HECW1: variants seen among roughly 807,000 people sequenced by gnomAD.
HECW1 encodes the protein E3 ubiquitin-protein ligase HECW1.
A neutral mutation model predicts 182.3 loss-of-function variants in HECW1; 61 were observed. The observed-to-expected ratio is 0.33, with a 90% CI of 0.27 to 0.41. The LOEUF is 0.41. Among genes scored for constraint, HECW1 ranks in the 10% least tolerant of loss-of-function variants. The pLI, the probability that HECW1 is intolerant of heterozygous loss-of-function variation, is 1.00. For synonymous variants in HECW1, 859 were observed against 832.6 expected, an observed-to-expected ratio of 1.03 and a Z score of -0.55; for missense variants, 1,739 against 2,108.9, an observed-to-expected ratio of 0.82 and a Z score of 3.44.
chr7:43,403,427 T>G (rs1026674605), intron 7 of HECW1, among the ~76,000 whole-genome samples: 6 of 152,176 alleles, frequency 3.9e-5, no homozygotes, highest in African/African-American at 1.4e-4. Flanking sequence ...ATTCGTCTGG[T>G]GCTGTCTCCT....
chr7:43,302,136 TAGC>T (rs2152763742), intron 3 of HECW1, among the ~76,000 whole-genome samples: 1 of 152,146 alleles, frequency 6.6e-6, no homozygotes, highest in East Asian at 1.9e-4. Context: ...CATCACCTAA[TAGC>T]AGGCAAATGA....
At chr7:43,537,966 G>C (rs150160224) in intron 24 of HECW1, among the ~76,000 whole-genome samples, 16 of 152,278 alleles carry the variant, frequency 1.1e-4, no homozygotes, top group African/African-American at 3.9e-4. Flanking sequence ...CACACCCCCT[G>C]GTTGAGAGGC....
chr7:43,351,570 A>G (rs1227516471), intron 5 of HECW1, among the ~76,000 whole-genome samples: 1 of 151,890 alleles, frequency 6.6e-6, no homozygotes, highest in Admixed American at 6.5e-5. Context: ...TGAGATTCCC[A>G]GGAGTGACAT....
intron 2 of HECW1, among the ~76,000 whole-genome samples, chr7:43,129,688 A>G (rs934950136): frequency 3.3e-5 from 5 of 152,162 alleles, no homozygotes; most frequent in Non-Finnish European, 5.9e-5. Context: ...AGCTGGACAA[A>G]CCACTGGTGT....
At chr7:43,320,250 G>A (rs1223755569) in intron 4 of HECW1, among the ~76,000 whole-genome samples, 3 of 152,200 alleles carry the variant, frequency 2.0e-5, no homozygotes, top group East Asian at 1.9e-4. Flanking sequence ...TTTATGTCTC[G>A]CCCTTAGGCT....
At chr7:43,545,510 T>C (rs374685327) in intron 26 of HECW1, among the ~76,000 whole-genome samples, 1 of 152,240 alleles carries the variant, frequency 6.6e-6, no homozygotes, top group Admixed American at 6.5e-5. Flanking sequence ...CGCTGAGTCC[T>C]GTACAGTTGA....
intron 2 of HECW1, among the ~76,000 whole-genome samples, chr7:43,213,537 C>G (rs1796183467): frequency 6.7e-6 from 1 of 150,068 alleles, no homozygotes; most frequent in Non-Finnish European, 1.5e-5. Context: ...GCTCCACCTT[C>G]CGGGTTCACA....
Position 43,114,371 on chromosome 7 carries a change from A to G in HECW1, c.-52A>G, listed in dbSNP as rs73690252. 3,236 of 1,352,976 alleles carry G rather than the reference A, an allele frequency of 2.4e-3. 46 individuals carry two copies. In the African/African-American group the frequency reaches 0.038, roughly 16 times the overall value. The allele number at this position is 1,352,976 out of a possible 1,614,324, so 83.8% of individuals were successfully genotyped here. ...ATCTGCGTTTCTCATCAGCAGACTC[A>G]CTCCGGCTGTGGCTATTACGGTAAT... On this transcript the variant is annotated 5_prime_UTR_variant, in exon 2 of 30. Coordinates refer to ENST00000395891, the MANE Select transcript of HECW1 (RefSeq NM_015052.5).
intron 3 of HECW1, among the ~76,000 whole-genome samples, chr7:43,302,950 T>TGCGCGCGCACACACGC (rs60618828): frequency 6.6e-6 from 1 of 151,594 alleles, no homozygotes; most frequent in African/African-American, 2.4e-5. Flanking sequence ...CACACACACA[T>TGCGCGCGCACACACGC]GCGCGCACAC....
At chr7:43,348,026 G>A (rs937157656) in intron 5 of HECW1, among the ~76,000 whole-genome samples, 29 of 152,102 alleles carry the variant, frequency 1.9e-4, no homozygotes, top group African/African-American at 6.5e-4. Context: ...GGGTAATGCT[G>A]GCTTCACAGA....
intron 3 of HECW1, among the ~76,000 whole-genome samples, chr7:43,298,290 C>T (rs533416772): frequency 3.3e-5 from 5 of 152,146 alleles, no homozygotes; most frequent in Admixed American, 2.0e-4. Flanking sequence ...AATTTTCACG[C>T]GAATAAGTCC....
Position 43,445,245 on chromosome 7 carries a change from CTGCTACAGCAGCTCG to C in HECW1, c.2083_2097del (p.Ser695_Ser699del), listed in dbSNP as rs2077013606. The C allele has an allele frequency of 1.9e-6, 3 of 1,612,438 alleles. No individual in the cohort carries two copies. The highest frequency in any genetic ancestry group is 1.1e-5 in the South Asian group (1 of 91,040). ...ACAGCTCCTCGTGCTACAGCACGTC[CTGCTACAGCAGCTCG>C]TGCTACAGCGCCTCGTGCTACAGCC... On this transcript the variant is annotated inframe_deletion, in exon 11 of 30. Coordinates refer to ENST00000395891, the MANE Select transcript of HECW1 (RefSeq NM_015052.5).
chr7:43,186,656 G>A (rs938066559), intron 2 of HECW1, among the ~76,000 whole-genome samples: 7 of 139,176 alleles, frequency 5.0e-5, no homozygotes, highest in Non-Finnish European at 1.1e-4. Flanking sequence ...GTGACAGAGC[G>A]AGACTCCGTC....
chr7:43,317,756 T>G (rs1344196321), intron 4 of HECW1, among the ~76,000 whole-genome samples: 3 of 152,074 alleles, frequency 2.0e-5, no homozygotes, highest in Non-Finnish European at 4.4e-5. Flanking sequence ...AGCCAGTCCT[T>G]TAAAATATAT....
chr7:43,314,892 C>A (rs369689714), intron 4 of HECW1, among the ~76,000 whole-genome samples: 4 of 152,214 alleles, frequency 2.6e-5, no homozygotes, highest in Non-Finnish European at 5.9e-5. Flanking sequence ...TTCATCTCAT[C>A]TGTCATTTCA....
intron 2 of HECW1, among the ~76,000 whole-genome samples, chr7:43,220,348 C>A (rs544946362): frequency 6.6e-6 from 1 of 152,314 alleles, no homozygotes; most frequent in African/African-American, 2.4e-5. Context: ...CCAGTAGAGA[C>A]ACTCGCCTGA....
chr7:43,431,414 T>C (rs1200225701), intron 8 of HECW1, among the ~76,000 whole-genome samples: 2 of 152,168 alleles, frequency 1.3e-5, no homozygotes, highest in Non-Finnish European at 2.9e-5. Flanking sequence ...CTCGGGAATT[T>C]GTGACCTCTT....
At position 43,389,834 on chromosome 7, in the gene HECW1, T is replaced by C. The variant is rs531763127; in HGVS notation, c.556-6980T>C. Among the ~76,000 whole-genome samples the C allele has an allele frequency of 2.0e-5, 3 of 152,066 alleles. No individual in the cohort carries two copies. The South Asian group carries it at 6.2e-4, about 32-fold the overall frequency. On this transcript the variant is annotated intron_variant, in intron 6 of 29. Coordinates refer to ENST00000395891, the MANE Select transcript of HECW1 (RefSeq NM_015052.5). Reference sequence around the variant, plus strand: ...TTTTTGTAGAGAAAGAGTCTCACAATGTTGCTCAGGCTGATTTTGAACTCC... The same window carrying C: ...TTTTTGTAGAGAAAGAGTCTCACAACGTTGCTCAGGCTGATTTTGAACTCC...
At chr7:43,383,914 A>G (rs996228945) in intron 6 of HECW1, among the ~76,000 whole-genome samples, 61 of 152,202 alleles carry the variant, frequency 4.0e-4, no homozygotes, top group Non-Finnish European at 2.1e-4. Context: ...ATATTAAGAA[A>G]GTCATAAGGA....
Sources: allele counts gnomAD v4.1 joint callset (sites outside exome capture counted in the v4.1 genomes callset), GRCh38; gene constraint gnomAD v4.1.1; transcripts MANE v1.5; gene names NCBI Gene and HGNC (gene_info 2026-07-23, HGNC 2026-07-21).